Variants in LCORL observed in about 807,000 individuals in gnomAD.
LCORL encodes ligand-dependent nuclear receptor corepressor-like protein.
A neutral mutation model predicts 141.8 loss-of-function variants in LCORL; 41 were observed. That is an observed-to-expected ratio of 0.29 (90% CI 0.23 to 0.38). The LOEUF (loss-of-function observed/expected upper bound fraction) is 0.38, where lower values mean the gene tolerates loss of function less well. LCORL is among the 10% of genes least tolerant of loss of function. The pLI is 1.00. For missense variants in LCORL, 1,759 were observed against 2,035.0 expected (o/e 0.86, Z 2.61); for synonymous variants, 618 against 694.1 (o/e 0.89, Z 1.72).
chr4:17,928,291 G>C (rs1250545722), intron 4 of LCORL, among the ~76,000 whole-genome samples: 3 of 152,008 alleles, frequency 2.0e-5, no homozygotes, highest in Non-Finnish European at 4.4e-5. Context: ...TGGTGCCTGT[G>C]GTCCTAGCTA....
intron 5 of LCORL, among the ~76,000 whole-genome samples, chr4:17,902,153 G>A (rs986713643): frequency 6.6e-6 from 1 of 152,076 alleles, no homozygotes; most frequent in Non-Finnish European, 1.5e-5. Flanking sequence ...AAGAAAGAGA[G>A]ACACAAGATG....
chr4:18,014,604 A>G (rs931269505), intron 1 of LCORL, among the ~76,000 whole-genome samples: 1 of 152,218 alleles, frequency 6.6e-6, no homozygotes, highest in African/African-American at 2.4e-5. Context: ...GTTGCTGCCA[A>G]TTATGGGGAA....
chr4:17,991,953 GACA>G (rs1467486286), intron 1 of LCORL, among the ~76,000 whole-genome samples: 2 of 152,116 alleles, frequency 1.3e-5, no homozygotes, highest in African/African-American at 4.8e-5. Flanking sequence ...GTGATGGTGA[GACA>G]CAGAGAGTAA....
intron 1 of LCORL, among the ~76,000 whole-genome samples, chr4:18,010,935 C>A (rs907249494): frequency 6.6e-6 from 1 of 152,134 alleles, no homozygotes; most frequent in Non-Finnish European, 1.5e-5. Flanking sequence ...AAAAGCACAA[C>A]CTGAGCCTCT....
intron 4 of LCORL, among the ~76,000 whole-genome samples, chr4:17,945,304 A>G (rs1021961208): frequency 6.6e-6 from 1 of 152,096 alleles, no homozygotes; most frequent in African/African-American, 2.4e-5. Flanking sequence ...ATGTGAGAAT[A>G]CAAACAAAAA....
chr4:17,937,959 G>T (rs546256538), intron 4 of LCORL, among the ~76,000 whole-genome samples: 4 of 151,556 alleles, frequency 2.6e-5, no homozygotes, highest in Non-Finnish European at 5.9e-5. Context: ...TTTACATGTG[G>T]CAGGAATAAA....
intron 4 of LCORL, among the ~76,000 whole-genome samples, chr4:17,947,000 C>T (rs1738985134): frequency 6.6e-6 from 1 of 152,040 alleles, no homozygotes; most frequent in Admixed American, 6.6e-5. Flanking sequence ...CCAACAATCC[C>T]ACTTCCGGGT....
chr4:17,965,457 T>C (rs1319450005), intron 2 of LCORL, among the ~76,000 whole-genome samples: 7 of 152,080 alleles, frequency 4.6e-5, no homozygotes, highest in African/African-American at 2.4e-5. Flanking sequence ...AGATGTTATC[T>C]CTCTTTTTGA....
At chr4:17,878,077 G>T (rs1560279756) in exon 7 of LCORL, 2 of 1,230,586 alleles carry the variant, frequency 1.6e-6, no homozygotes. Flanking sequence ...GCAGCATTCT[G>T]CTCTTGGACT....
chr4:17,987,729 G>A (rs143317885), intron 1 of LCORL, among the ~76,000 whole-genome samples: 121 of 152,226 alleles, frequency 7.9e-4, no homozygotes, highest in African/African-American at 2.8e-3. Context: ...CATTTCCCTA[G>A]TGACTAATGA....
chr4:17,884,717 C>A lies in LCORL; in HGVS notation c.776+1351G>T. 1 of 1,501,162 alleles carries A rather than the reference C, an allele frequency of 6.7e-7. No homozygotes were observed. The highest frequency in any genetic ancestry group is 8.9e-7 in the Non-Finnish European group (1 of 1,127,638). The allele number at this position is 1,501,162 out of a possible 1,614,324, so 93.0% of individuals were successfully genotyped here. On this transcript the variant is annotated intron_variant, in intron 6 of 7. Transcript: ENST00000635767. This position sits in a 1 kb window ranked among gnomAD's most constrained non-coding sequence, Gnocchi z 4.4. ...CAAACCATCTGCAAACTCAGCACTT[C>A]TTTCCACATAGTCCTCTCTGTTTCT...
intron 7 of LCORL, among the ~76,000 whole-genome samples, chr4:17,868,437 T>C (rs949850018): frequency 6.6e-6 from 1 of 152,120 alleles, no homozygotes; most frequent in Non-Finnish European, 1.5e-5. Context: ...CACATTAGGT[T>C]ATTTGATTCT....
chr4:17,894,879 G>T (rs1306940106), intron 5 of LCORL, among the ~76,000 whole-genome samples: 1 of 152,084 alleles, frequency 6.6e-6, no homozygotes, highest in Non-Finnish European at 1.5e-5. Flanking sequence ...CTTCACAGGT[G>T]AAGTGACATA....
At chr4:17,958,457 T>C (rs990262575) in intron 4 of LCORL, among the ~76,000 whole-genome samples, 18 of 151,946 alleles carry the variant, frequency 1.2e-4, no homozygotes, top group African/African-American at 4.3e-4. Context: ...CATAAGCCAG[T>C]GACTTAAACA....
chr4:17,932,047 G>A (rs2658750), intron 4 of LCORL, among the ~76,000 whole-genome samples: 4 of 151,906 alleles, frequency 2.6e-5, no homozygotes, highest in African/African-American at 4.8e-5. Context: ...AGCCCTTTCC[G>A]CCGCTAATTT....
chr4:17,849,482 AAACT>A (rs1295562055), intron 7 of LCORL, among the ~76,000 whole-genome samples: 2 of 152,320 alleles, frequency 1.3e-5, no homozygotes, highest in East Asian at 3.9e-4. Context: ...GTTAGAAGGA[AAACT>A]AACAAACAGA....
chr4:17,843,393 C>G, exon 8 of LCORL: 1 of 1,611,656 alleles, frequency 6.2e-7, no homozygotes, highest in Non-Finnish European at 8.5e-7. Flanking sequence ...TAAACTTAAC[C>G]TTGCCCAATT....
intron 6 of LCORL, chr4:17,881,173 A>G (rs1430876908): frequency 2.0e-6 from 2 of 977,604 alleles, no homozygotes; most frequent in African/African-American, 3.5e-5. Context: ...TTTTTTTAAT[A>G]TAAAATACTT....
chr4:17,885,834 C>G (rs1474315775), intron 6 of LCORL, among the ~76,000 whole-genome samples: 2 of 151,756 alleles, frequency 1.3e-5, no homozygotes, highest in Admixed American at 6.6e-5. Flanking sequence ...GTTGGTAGTT[C>G]ATTTTAGTAA....
Sources: allele counts gnomAD v4.1 joint callset (sites outside exome capture counted in the v4.1 genomes callset), GRCh38; gene constraint gnomAD v4.1.1; non-coding constraint Gnocchi (gnomAD v3.1); transcripts MANE v1.5; gene names NCBI Gene and HGNC (gene_info 2026-07-23, HGNC 2026-07-21).